Variants in NKIRAS1 observed in about 807,000 individuals in gnomAD.
NKIRAS1 encodes NFKB inhibitor interacting Ras like 1.
NKIRAS1 carries 16 observed loss-of-function variants against 19.8 expected under a neutral mutation model. The ratio of observed to expected loss-of-function variants is 0.81; its 90% confidence interval spans 0.55 to 1.23. The LOEUF (loss-of-function observed/expected upper bound fraction) is 1.23. Among genes scored for constraint, NKIRAS1 ranks in the 50% most tolerant of loss-of-function variants. The probability of loss-of-function intolerance (pLI) is 0.00; values close to 1 mark genes in which losing one functional copy is unlikely to be tolerated. For synonymous variants in NKIRAS1, 88 were observed against 79.0 expected (o/e 1.11, Z -0.61); for missense variants, 184 against 220.0 (o/e 0.84, Z 1.04).
chr3:23,921,685 C>A (rs768910694), upstream of NKIRAS1: 1 of 633,358 alleles, frequency 1.6e-6, no homozygotes, highest in South Asian at 1.6e-5. Context: ...AGCAATTCTT[C>A]TGCCTCGGCC....
chr3:23,909,474 C>T (rs1377513024), intron 3 of NKIRAS1, among the ~76,000 whole-genome samples: 1 of 152,150 alleles, frequency 6.6e-6, no homozygotes, highest in South Asian at 2.1e-4. Flanking sequence ...TTGCAGTGAG[C>T]CGAGATTGCA....
intron 3 of NKIRAS1, among the ~76,000 whole-genome samples, chr3:23,907,504 G>A (rs532049677): frequency 5.9e-5 from 9 of 152,270 alleles, no homozygotes; most frequent in African/African-American, 2.2e-4. Context: ...CCTTTCAGGG[G>A]ACCCACATGG....
At chr3:23,945,008 GGAGGA>G (rs902446928) in intron 1 of NKIRAS1, among the ~76,000 whole-genome samples, 6 of 149,882 alleles carry the variant, frequency 4.0e-5, no homozygotes, top group Non-Finnish European at 7.4e-5. Flanking sequence ...AAGGCAGCCG[GGAGGA>G]GAGGAAAGAG....
intron 1 of NKIRAS1, among the ~76,000 whole-genome samples, chr3:23,938,815 C>T (rs1705442320): frequency 6.6e-6 from 1 of 152,186 alleles, no homozygotes; most frequent in Non-Finnish European, 1.5e-5. Flanking sequence ...CATGGAACAC[C>T]TGCATTGGAG....
intron 3 of NKIRAS1, among the ~76,000 whole-genome samples, chr3:23,905,675 G>A (rs1025877494): frequency 6.6e-6 from 1 of 152,110 alleles, no homozygotes; most frequent in Admixed American, 6.5e-5. Context: ...ATCTCAATTC[G>A]GAAGCCCCAG....
At chr3:23,903,669 CAA>C (rs1702736921) in intron 3 of NKIRAS1, among the ~76,000 whole-genome samples, 1 of 151,752 alleles carries the variant, frequency 6.6e-6, no homozygotes, top group African/African-American at 2.4e-5. Context: ...AAAAGTGGTA[CAA>C]AAATATTGAG....
chr3:23,942,402 T>C (rs1477662971), intron 1 of NKIRAS1, among the ~76,000 whole-genome samples: 2 of 152,170 alleles, frequency 1.3e-5, no homozygotes, highest in African/African-American at 4.8e-5. Context: ...GAACCTACAC[T>C]GATACATCAT....
chr3:23,942,626 T>C (rs1028489177), intron 1 of NKIRAS1, among the ~76,000 whole-genome samples: 8 of 152,070 alleles, frequency 5.3e-5, no homozygotes, highest in Non-Finnish European at 8.8e-5. Context: ...AGACGGGGTT[T>C]CTCCACGTTG....
chr3:23,899,406 T>C (rs1239137238), intron 4 of NKIRAS1, among the ~76,000 whole-genome samples: 1 of 152,214 alleles, frequency 6.6e-6, no homozygotes, highest in African/African-American at 2.4e-5. Flanking sequence ...ACAAAAAATA[T>C]GCAAAAATCT....
At chr3:23,917,675 C>G (rs1704715678), upstream of NKIRAS1, 1 of 614,352 alleles carries the variant, frequency 1.6e-6, no homozygotes, top group African/African-American at 1.9e-5. Flanking sequence ...AGTGACTGAA[C>G]GCGGCTCCGT....
intron 1 of NKIRAS1, chr3:23,916,342 T>G (rs1276011076): frequency 6.6e-6 from 1 of 152,180 alleles, no homozygotes; most frequent in African/African-American, 2.4e-5. Context: ...AATGCCAGCA[T>G]TTTCTCGGCA....
upstream of NKIRAS1, chr3:23,920,348 C>T (rs1451486803): frequency 2.0e-6 from 2 of 985,516 alleles, no homozygotes; most frequent in African/African-American, 1.7e-5. Flanking sequence ...TCTGTCCACT[C>T]CCATAGGCTA....
chr3:23,919,464 G>A (rs956160575), upstream of NKIRAS1: 16 of 1,601,708 alleles, frequency 1.0e-5, no homozygotes, highest in Non-Finnish European at 1.4e-5. Flanking sequence ...GCAGCTTGGA[G>A]AAGGCGCAAT....
rs747051891 is a variant in NKIRAS1, at chr3:23,892,725, T to C, written c.*370A>G. 1.1e-4 allele frequency: 18 copies of C among 157,520 alleles called. No individual in the cohort carries two copies. Among genetic ancestry groups the C allele is most frequent in the Non-Finnish European group, 2.1e-4 (15 of 71,674 alleles). The allele number at this position is 157,520 out of a possible 1,614,324, so 9.8% of individuals were successfully genotyped here. ...TGTTTGGGCTTAGAAGTTTGCATAA[T>C]GTTACACAGAATGATTATGATATCT... On this transcript the variant is annotated 3_prime_UTR_variant, in exon 5 of 5. Coordinates refer to ENST00000425478, the MANE Select transcript of NKIRAS1 (RefSeq NM_020345.4).
upstream of NKIRAS1, chr3:23,919,514 T>G (rs1039041439): frequency 6.4e-7 from 1 of 1,550,974 alleles, no homozygotes; most frequent in Admixed American, 1.9e-5. Flanking sequence ...TAAGTAAAGT[T>G]TGTAAAATTC....
At chr3:23,919,766 TTAA>T (rs1704969692), upstream of NKIRAS1, 5 of 1,167,330 alleles carry the variant, frequency 4.3e-6, no homozygotes, top group Admixed American at 4.2e-5. Context: ...TATAACAGGC[TTAA>T]TAAATTCTTT....
At chr3:23,915,583 C>T (rs962305143) in intron 1 of NKIRAS1, among the ~76,000 whole-genome samples, 5 of 152,142 alleles carry the variant, frequency 3.3e-5, no homozygotes, top group African/African-American at 1.2e-4. Context: ...TTAAAATGTA[C>T]GCCATATGAA....
chr3:23,904,320 T>A (rs1702810402), intron 3 of NKIRAS1, among the ~76,000 whole-genome samples: 1 of 152,272 alleles, frequency 6.6e-6, no homozygotes, highest in Admixed American at 6.5e-5. Context: ...AAGATCAAGG[T>A]GCCAGTAGGT....
intron 1 of NKIRAS1, among the ~76,000 whole-genome samples, chr3:23,930,128 C>T (rs540518502): frequency 7.9e-5 from 12 of 152,138 alleles, no homozygotes; most frequent in Non-Finnish European, 1.2e-4. Context: ...AATTACAGAA[C>T]CCAGATCTGG....
Sources: gnomAD v4.1 joint callset for allele counts (sites outside exome capture counted in the v4.1 genomes callset) on GRCh38, gnomAD v4.1.1 for gene constraint, MANE v1.5 for transcripts, NCBI Gene and HGNC (gene_info 2026-07-23, HGNC 2026-07-21) for gene names.